The following GALNT18 variants were observed in gnomAD, a reference collection of about 807,000 sequenced individuals.
GALNT18 encodes polypeptide N-acetylgalactosaminyltransferase 18, also known as GalNAc-transferase 18.
A neutral mutation model predicts 69.5 loss-of-function variants in GALNT18; 44 were observed. That is an observed-to-expected ratio of 0.63 (90% confidence interval 0.50 to 0.81). GALNT18 has a LOEUF of 0.81. Among genes scored for constraint, GALNT18 ranks in the 40% least tolerant of loss-of-function variants. GALNT18 has a pLI of 0.00. For missense variants in GALNT18, 715 were observed against 810.0 expected (o/e 0.88, Z 1.42); for synonymous variants, 364 against 318.2 (o/e 1.14, Z -1.53).
chr11:11,405,239 A>G (rs1460541610), intron 3 of GALNT18, among the ~76,000 whole-genome samples: 1 of 152,130 alleles, frequency 6.6e-6, no homozygotes, highest in Non-Finnish European at 1.5e-5. Flanking sequence ...TCCCTCCCTT[A>G]GTTTTAGATT....
At chr11:11,393,048 G>A (rs1357179634) in intron 3 of GALNT18, among the ~76,000 whole-genome samples, 1 of 152,190 alleles carries the variant, frequency 6.6e-6, no homozygotes, top group African/African-American at 2.4e-5. Context: ...AGTGTGGGAA[G>A]GCAGGGCAGG....
In GALNT18 at chr11:11,546,560, T is replaced by G. The variant is rs1242463352; in HGVS notation, c.235+74799A>C. Among the ~76,000 whole-genome samples the G allele has an allele frequency of 1.3e-5, 2 of 152,194 alleles. No individual in the cohort carries two copies. The highest frequency in any genetic ancestry group is 6.5e-5 in the Admixed American group (1 of 15,278). On this transcript the variant is annotated intron_variant, in intron 1 of 10. Transcript: ENST00000227756. The surrounding 1 kb of genome is among the most constrained non-coding windows in gnomAD (Gnocchi z 5.8). Reference sequence around the variant, plus strand: ...CTGTAAAAGGTATCACGGCTCCCATTGCTCACTGGATAAACACAAAATCTT... The same window carrying G: ...CTGTAAAAGGTATCACGGCTCCCATGGCTCACTGGATAAACACAAAATCTT...
Position 11,559,762 on chromosome 11 carries a change from A to G in GALNT18, c.235+61597T>C, listed in dbSNP as rs190782589. 1.3e-5 allele frequency among the ~76,000 whole-genome samples: 2 copies of G among 149,548 alleles called. 1 individual carries two copies. The highest frequency in any genetic ancestry group is 4.0e-4 in the East Asian group (2 of 5,054). ...GTATGATGGGATGGGATGGGATAGG[A>G]TGGAACAGAATGGGATATGATGGGA... is the stretch of plus-strand genomic sequence containing the variant. On this transcript the variant is annotated intron_variant, in intron 1 of 10. Coordinates refer to ENST00000227756, the MANE Select transcript of GALNT18 (RefSeq NM_198516.3).
chr11:11,466,264 C>A (rs975148571), intron 1 of GALNT18, among the ~76,000 whole-genome samples: 18 of 152,312 alleles, frequency 1.2e-4, no homozygotes, highest in Non-Finnish European at 2.4e-4. Flanking sequence ...CGGACTGCAA[C>A]CTTTATAAAC....
chr11:11,372,454 C>T lies in GALNT18; in HGVS notation c.1092+61G>A. 1 of 1,312,598 alleles carries T rather than the reference C, an allele frequency of 7.6e-7. No homozygotes were observed. Among genetic ancestry groups the T allele is most frequent in the Non-Finnish European group, 1.1e-6 (1 of 906,188 alleles). 81.3% of individuals were successfully genotyped at this position (1,312,598 alleles called of 1,614,324 possible). On this transcript the variant is annotated intron_variant, in intron 6 of 10. Transcript: ENST00000227756. The surrounding 1 kb of genome is among the most constrained non-coding windows in gnomAD (Gnocchi z 4.9). ...AACCTTAAACCCCATTTCTCCACCC[C>T]CAGACTCATTCACCCTGGTGGGAGC...
At chr11:11,579,080 C>T (rs938006403) in intron 1 of GALNT18, among the ~76,000 whole-genome samples, 1 of 152,222 alleles carries the variant, frequency 6.6e-6, no homozygotes, top group Non-Finnish European at 1.5e-5. Context: ...TCCCAGCCAG[C>T]AGCACCCCAG....
At chr11:11,329,672 G>C (rs1849986045) in intron 8 of GALNT18, among the ~76,000 whole-genome samples, 1 of 152,212 alleles carries the variant, frequency 6.6e-6, no homozygotes, top group East Asian at 1.9e-4. Flanking sequence ...TTAGTCATCA[G>C]ACTGGGTCTC....
At position 11,479,299 on chromosome 11, in the gene GALNT18, T is replaced by C. The variant is rs866399705; in HGVS notation, c.236-30363A>G. ...ATATTTTCACAGTACATAATGTTAATACTGTCTACCGTTTTAACCCAAAGT... is the reference window on the plus strand; with the variant it reads ...ATATTTTCACAGTACATAATGTTAACACTGTCTACCGTTTTAACCCAAAGT... On this transcript the variant is annotated intron_variant, in intron 1 of 10. Transcript: ENST00000227756. Among the ~76,000 whole-genome samples, 15 of 152,196 alleles carry C rather than the reference T, an allele frequency of 9.9e-5. No individual in the cohort carries two copies. In the South Asian group the frequency reaches 3.1e-3, roughly 32 times the overall value.
At chr11:11,352,950 A>G (rs1235617917) in intron 6 of GALNT18, 1 of 1,614,116 alleles carries the variant, frequency 6.2e-7, no homozygotes, top group East Asian at 2.2e-5. Flanking sequence ...TGTGATGTTG[A>G]TGGCTTCAAA....
chr11:11,528,410 T>A (rs1857566394), intron 1 of GALNT18, among the ~76,000 whole-genome samples: 1 of 152,154 alleles, frequency 6.6e-6, no homozygotes, highest in African/African-American at 2.4e-5. Context: ...AGTGGGCAGG[T>A]GTAAGACAGT....
At chr11:11,422,348 C>T (rs1488962205) in intron 3 of GALNT18, among the ~76,000 whole-genome samples, 1 of 152,222 alleles carries the variant, frequency 6.6e-6, no homozygotes, top group Non-Finnish European at 1.5e-5. Context: ...GAACCCAGGA[C>T]TCAGGTGGTA....
chr11:11,468,376 G>C, intron 1 of GALNT18, among the ~76,000 whole-genome samples: 1 of 152,184 alleles, frequency 6.6e-6, no homozygotes, highest in Non-Finnish European at 1.5e-5. Flanking sequence ...GGCTGTGGCG[G>C]TCCCCAGGCC....
At chr11:11,493,735 A>T (rs1190222557) in intron 1 of GALNT18, among the ~76,000 whole-genome samples, 1 of 114,280 alleles carries the variant, frequency 8.8e-6, no homozygotes, top group Non-Finnish European at 2.0e-5. Context: ...AGGCCCAAGA[A>T]ATTGGAAAGT....
rs144007909 is a variant in GALNT18, at chr11:11,542,310, G to T, written c.235+79049C>A. Among the ~76,000 whole-genome samples the T allele has an allele frequency of 2.0e-3, 310 of 152,308 alleles. 3 individuals carry two copies. Among genetic ancestry groups the T allele is most frequent in the African/African-American group, 7.3e-3 (302 of 41,568 alleles). On this transcript the variant is annotated intron_variant, in intron 1 of 10. Transcript: ENST00000227756. The surrounding 1 kb of genome is among the most constrained non-coding windows in gnomAD (Gnocchi z 4.3). ...TCAGCCTTTCTCCCTACCAGATAGA[G>T]CAAGCCATGGACAGACGCCTCCATG... is the stretch of plus-strand genomic sequence containing the variant.
intron 3 of GALNT18, among the ~76,000 whole-genome samples, chr11:11,423,714 T>C (rs1031558105): frequency 1.5e-4 from 23 of 152,240 alleles, no homozygotes; most frequent in African/African-American, 5.5e-4. Context: ...ACCCATGGTG[T>C]ACCAGAGGCA....
intron 3 of GALNT18, among the ~76,000 whole-genome samples, chr11:11,411,468 G>A (rs1854725624): frequency 6.6e-6 from 1 of 152,098 alleles, no homozygotes; most frequent in Non-Finnish European, 1.5e-5. Flanking sequence ...GTACAGCTCT[G>A]GGCTCCACGG....
rs542538754 is a variant in GALNT18, at chr11:11,604,501, G to A, written c.235+16858C>T. On this transcript the variant is annotated intron_variant, in intron 1 of 10. Transcript: ENST00000227756. This position sits in a 1 kb window ranked among gnomAD's most constrained non-coding sequence, Gnocchi z 5.6. The stretch of plus-strand genomic sequence containing the variant: ...ACCCAGGCAGCTTCTGGCAACACCA[G>A]TAAGAGGCAGCACCAGGATTTGAGG... 1.4e-4 allele frequency among the ~76,000 whole-genome samples: 22 copies of A among 152,288 alleles called. No homozygotes were observed. Among genetic ancestry groups the A allele is most frequent in the Admixed American group, 1.3e-3 (20 of 15,300 alleles).
At chr11:11,362,306 A>C (rs2133081600) in intron 6 of GALNT18, among the ~76,000 whole-genome samples, 1 of 152,304 alleles carries the variant, frequency 6.6e-6, no homozygotes. Flanking sequence ...AGCAAGAAGA[A>C]AAAAAGTTTG....
At chr11:11,394,527 C>A (rs1054543936) in intron 3 of GALNT18, among the ~76,000 whole-genome samples, 1 of 152,178 alleles carries the variant, frequency 6.6e-6, no homozygotes, top group Non-Finnish European at 1.5e-5. Flanking sequence ...AAGAACTTTT[C>A]ATCAATTTCT....
Sources: gnomAD v4.1 joint callset for allele counts (sites outside exome capture counted in the v4.1 genomes callset) on GRCh38, gnomAD v4.1.1 for gene constraint, Gnocchi (gnomAD v3.1) non-coding constraint, MANE v1.5 for transcripts, NCBI Gene and HGNC (gene_info 2026-07-23, HGNC 2026-07-21) for gene names.